The following ERBB4 variants were observed in gnomAD, a reference collection of about 807,000 sequenced individuals.
The protein encoded by ERBB4 is erb-b2 receptor tyrosine kinase 4, also known as receptor tyrosine-protein kinase erbB-4.
ERBB4 carries 42 observed loss-of-function variants against 158.0 expected under a neutral mutation model. The ratio of observed to expected loss-of-function variants is 0.27; its 90% confidence interval spans 0.21 to 0.34. ERBB4 has a LOEUF of 0.34. Among genes scored for constraint, ERBB4 ranks in the 10% least tolerant of loss-of-function variants. ERBB4 has a pLI of 1.00. For synonymous variants in ERBB4, 583 were observed against 558.7 expected, an observed-to-expected ratio of 1.04 and a Z score of -0.61; for missense variants, 1,333 against 1,624.1, an observed-to-expected ratio of 0.82 and a Z score of 3.08.
At chr2:211,731,588 C>T (rs2074428932) in intron 5 of ERBB4, among the ~76,000 whole-genome samples, 1 of 151,974 alleles carries the variant, frequency 6.6e-6, no homozygotes, top group African/African-American at 2.4e-5. Flanking sequence ...CTTTAGACAT[C>T]CACTTAATTA....
chr2:212,423,906 CA>C (rs1355323034), intron 1 of ERBB4, among the ~76,000 whole-genome samples: 3 of 152,022 alleles, frequency 2.0e-5, no homozygotes, highest in Admixed American at 2.0e-4. Flanking sequence ...AGATTTTGTA[CA>C]TGAGGTATTT....
intron 1 of ERBB4, among the ~76,000 whole-genome samples, chr2:212,151,091 T>C (rs1259647495): frequency 6.6e-6 from 1 of 152,040 alleles, no homozygotes; most frequent in African/African-American, 2.4e-5. Flanking sequence ...TGGAATATTT[T>C]ATTTAACATA....
At chr2:212,104,494 T>A (rs917257064) in intron 2 of ERBB4, among the ~76,000 whole-genome samples, 2 of 152,106 alleles carry the variant, frequency 1.3e-5, no homozygotes, top group Non-Finnish European at 2.9e-5. Flanking sequence ...TACATGCACA[T>A]AGAAACATGT....
At chr2:211,928,452 G>T (rs188642835) in intron 3 of ERBB4, among the ~76,000 whole-genome samples, 3 of 152,130 alleles carry the variant, frequency 2.0e-5, no homozygotes, top group Admixed American at 6.6e-5. Context: ...CAGGCTGGGG[G>T]CTACCCCTGG....
chr2:211,814,850 G>A (rs1245105413), intron 3 of ERBB4, among the ~76,000 whole-genome samples: 1 of 152,120 alleles, frequency 6.6e-6, no homozygotes, highest in Non-Finnish European at 1.5e-5. Flanking sequence ...TAGGAAGTAG[G>A]TTCCAGAGCC....
At chr2:211,390,435 T>C (rs2062777098) in intron 25 of ERBB4, among the ~76,000 whole-genome samples, 1 of 152,248 alleles carries the variant, frequency 6.6e-6, no homozygotes, top group Non-Finnish European at 1.5e-5. Context: ...TTTGACCTCT[T>C]ACCTTGCAAA....
chr2:212,320,477 C>T (rs1323597399), intron 1 of ERBB4, among the ~76,000 whole-genome samples: 1 of 142,688 alleles, frequency 7.0e-6, no homozygotes, highest in African/African-American at 2.5e-5. Flanking sequence ...TAGATTTTCT[C>T]ACTAACAGGA....
Position 211,712,322 on chromosome 2 carries a change from A to G in ERBB4, c.998-146T>C, listed in dbSNP as rs2073731594. On this transcript the variant is annotated intron_variant, in intron 8 of 27. Coordinates refer to ENST00000342788, the MANE Select transcript of ERBB4 (RefSeq NM_005235.3). ...ATTTTGTTTTCTAAAAAGTAAAATA[A>G]TTATTCATTCGTTCAACATTCACTA... The G allele has an allele frequency of 6.2e-6, 5 of 802,054 alleles. 1 individual carries two copies. In the South Asian group the frequency reaches 9.0e-5, roughly 14 times the overall value. 49.7% of individuals were successfully genotyped at this position (802,054 alleles called of 1,614,324 possible). A position where few individuals can be genotyped will look rare whatever the true frequency, so the allele number is the denominator to read the frequency against.
At chr2:211,745,457 A>G (rs1013397184) in intron 5 of ERBB4, among the ~76,000 whole-genome samples, 4 of 152,072 alleles carry the variant, frequency 2.6e-5, no homozygotes, top group Admixed American at 2.0e-4. Flanking sequence ...GCAGCCTCCA[A>G]CCCCACTCCA....
At chr2:212,443,784 G>T (rs1271948738) in intron 1 of ERBB4, among the ~76,000 whole-genome samples, 1 of 152,126 alleles carries the variant, frequency 6.6e-6, no homozygotes, top group African/African-American at 2.4e-5. Context: ...CACAGCAGAG[G>T]CCTCTAGAAT....
chr2:211,393,970 C>G (rs2062858771), intron 25 of ERBB4, among the ~76,000 whole-genome samples: 1 of 152,070 alleles, frequency 6.6e-6, no homozygotes, highest in Admixed American at 6.6e-5. Context: ...TAGTACAAGG[C>G]TTAGTCAATA....
At chr2:211,524,518 G>A (rs2066284566) in intron 20 of ERBB4, among the ~76,000 whole-genome samples, 1 of 151,868 alleles carries the variant, frequency 6.6e-6, no homozygotes, top group Non-Finnish European at 1.5e-5. Context: ...CCCGAGCCCT[G>A]CCCCGTGGGA....
chr2:211,869,189 C>CATAATGCTTAAG (rs1559594687), intron 3 of ERBB4, among the ~76,000 whole-genome samples: 2 of 152,172 alleles, frequency 1.3e-5, no homozygotes, highest in Non-Finnish European at 2.9e-5. Context: ...TCCTGATACA[C>CATAATGCTTAAG]AGCACAGCAT....
intron 16 of ERBB4, among the ~76,000 whole-genome samples, chr2:211,641,391 T>C (rs575232772): frequency 6.6e-6 from 1 of 152,220 alleles, no homozygotes; most frequent in South Asian, 2.1e-4. Flanking sequence ...CCTTTTGAGA[T>C]CATCATTTGC....
intron 1 of ERBB4, among the ~76,000 whole-genome samples, chr2:212,395,133 T>C (rs6738011): frequency 0.16 from 23,996 of 152,064 alleles, 2,177 homozygotes; most frequent in South Asian, 0.25. Flanking sequence ...TATATACATA[T>C]TCTTGAGTTA....
intron 3 of ERBB4, among the ~76,000 whole-genome samples, chr2:211,840,777 T>C (rs150420923): frequency 1.1e-3 from 165 of 152,224 alleles, no homozygotes; most frequent in African/African-American, 3.8e-3. Flanking sequence ...TAAACCTTGA[T>C]TCAGCAAGGT....
intron 3 of ERBB4, among the ~76,000 whole-genome samples, chr2:211,829,771 C>T (rs12470052): frequency 0.11 from 16,402 of 152,186 alleles, 1,181 homozygotes; most frequent in Non-Finnish European, 0.15. Flanking sequence ...TAAAGCTCTG[C>T]CACTTAGATT....
At chr2:211,432,147 AATT>A (rs2063758965) in intron 20 of ERBB4, among the ~76,000 whole-genome samples, 1 of 152,200 alleles carries the variant, frequency 6.6e-6, no homozygotes, top group African/African-American at 2.4e-5. Context: ...AATAGATTAG[AATT>A]ATTATAAAAT....
At chr2:211,901,967 C>T (rs1230612800) in intron 3 of ERBB4, among the ~76,000 whole-genome samples, 1 of 151,976 alleles carries the variant, frequency 6.6e-6, no homozygotes, top group African/African-American at 2.4e-5. Context: ...TTATGTACCA[C>T]TTTTATGTTC....
Sources: allele counts gnomAD v4.1 joint callset (sites outside exome capture counted in the v4.1 genomes callset), GRCh38; gene constraint gnomAD v4.1.1; transcripts MANE v1.5; gene names NCBI Gene and HGNC (gene_info 2026-07-23, HGNC 2026-07-21).